Variants in TRPS1 observed in about 807,000 individuals in gnomAD.
The protein encoded by TRPS1 is zinc finger transcription factor Trps1.
Under a neutral mutation model 101.2 loss-of-function variants are expected in TRPS1, and 6 were observed. The observed-to-expected ratio is 0.06, with a 90% confidence interval of 0.03 to 0.12. The LOEUF (loss-of-function observed/expected upper bound fraction) is 0.12, where lower values mean the gene tolerates loss of function less well. Among genes scored for constraint, TRPS1 ranks in the 10% least tolerant of loss-of-function variants. TRPS1 has a pLI of 1.00. For missense variants in TRPS1, 1,363 were observed against 1,567.0 expected, an observed-to-expected ratio of 0.87 and a Z score of 2.20; for synonymous variants, 578 against 589.8, an observed-to-expected ratio of 0.98 and a Z score of 0.29.
At chr8:115,656,289 A>G (rs988646603) in intron 1 of TRPS1, among the ~76,000 whole-genome samples, 4 of 152,160 alleles carry the variant, frequency 2.6e-5, no homozygotes, top group Admixed American at 2.6e-4. Flanking sequence ...AAAGCAGTCG[A>G]AAAACAAAAA....
chr8:115,652,302 G>A (rs1424547514), intron 1 of TRPS1, among the ~76,000 whole-genome samples: 3 of 152,116 alleles, frequency 2.0e-5, no homozygotes, highest in Non-Finnish European at 2.9e-5. Flanking sequence ...GGCAGATATC[G>A]CTTAGTTGAG....
intron 5 of TRPS1, among the ~76,000 whole-genome samples, chr8:115,540,816 G>A (rs898979138): frequency 1.3e-4 from 20 of 151,338 alleles, no homozygotes; most frequent in Non-Finnish European, 1.9e-4. Flanking sequence ...AACAACTTAC[G>A]CACCCCATAA....
chr8:115,666,211 G>A (rs931168352), intron 1 of TRPS1, among the ~76,000 whole-genome samples: 1 of 151,912 alleles, frequency 6.6e-6, no homozygotes, highest in Non-Finnish European at 1.5e-5. Context: ...GAAATCCAAG[G>A]AGAGAGAAAC....
At chr8:115,443,524 C>A (rs1813660051) in intron 5 of TRPS1, among the ~76,000 whole-genome samples, 2 of 152,110 alleles carry the variant, frequency 1.3e-5, no homozygotes, top group African/African-American at 4.8e-5. Flanking sequence ...TATTAATTAT[C>A]CTAAGCCTTT....
Position 115,623,668 on chromosome 8 carries a change from A to G in TRPS1, c.-31T>C. The G allele has an allele frequency of 6.2e-7, 1 of 1,609,326 alleles. No individual in the cohort carries two copies. Among genetic ancestry groups the G allele is most frequent in the Non-Finnish European group, 8.5e-7 (1 of 1,177,536 alleles). On this transcript the variant is annotated 5_prime_UTR_variant, in exon 2 of 7. Coordinates refer to ENST00000395715, the MANE Select transcript of TRPS1 (RefSeq NM_014112.5). ...TTTAGAGTGCTTTTTACAATTATTA[A>G]TTCTATTAGTCAACTAGCAGGAGGC... is the stretch of plus-strand genomic sequence containing the variant.
chr8:115,567,954 C>G (rs542457055), intron 5 of TRPS1, among the ~76,000 whole-genome samples: 2 of 152,234 alleles, frequency 1.3e-5, no homozygotes, highest in Admixed American at 1.3e-4. Flanking sequence ...ACCTCTCATA[C>G]TGAGAGTTTT....
chr8:115,568,605 T>C (rs1817125768), intron 5 of TRPS1, among the ~76,000 whole-genome samples: 1 of 152,134 alleles, frequency 6.6e-6, no homozygotes, highest in African/African-American at 2.4e-5. Context: ...AACGTGCCAC[T>C]GCTCTAAAAA....
intron 3 of TRPS1, among the ~76,000 whole-genome samples, chr8:115,611,116 CAAA>C (rs752834152): frequency 4.6e-5 from 3 of 64,934 alleles, no homozygotes; most frequent in Admixed American, 3.3e-4. Flanking sequence ...GACTCCATAT[CAAA>C]AAAAAAAAAA....
chr8:115,556,305 G>A (rs185682243), intron 5 of TRPS1, among the ~76,000 whole-genome samples: 33 of 152,204 alleles, frequency 2.2e-4, no homozygotes, highest in Non-Finnish European at 4.6e-4. Flanking sequence ...CTGAATGGCT[G>A]CTTTGAAATA....
intron 5 of TRPS1, among the ~76,000 whole-genome samples, chr8:115,473,485 G>A (rs990649923): frequency 6.6e-5 from 10 of 152,166 alleles, no homozygotes; most frequent in Non-Finnish European, 1.0e-4. Context: ...AGATTTGAGT[G>A]AGGACACAGC....
chr8:115,564,065 C>T (rs957837344), intron 5 of TRPS1, among the ~76,000 whole-genome samples: 1 of 152,104 alleles, frequency 6.6e-6, no homozygotes, highest in African/African-American at 2.4e-5. Context: ...AAATCTCACT[C>T]CAATTACCTC....
intron 2 of TRPS1, among the ~76,000 whole-genome samples, chr8:115,621,036 T>C (rs1242292237): frequency 6.6e-6 from 1 of 152,236 alleles, no homozygotes; most frequent in Non-Finnish European, 1.5e-5. Flanking sequence ...GTCTCTCAAG[T>C]TAAGTTAGTG....
intron 5 of TRPS1, among the ~76,000 whole-genome samples, chr8:115,449,510 C>G (rs1241466801): frequency 1.3e-5 from 2 of 152,206 alleles, no homozygotes; most frequent in Non-Finnish European, 2.9e-5. Context: ...ACAAATCTCT[C>G]ATTGCAAACA....
In TRPS1 at chr8:115,573,700, G is replaced by A. The variant is rs191351862; in HGVS notation, c.2700+13301C>T. On this transcript the variant is annotated intron_variant, in intron 5 of 6. Coordinates refer to ENST00000395715, the MANE Select transcript of TRPS1 (RefSeq NM_014112.5). ...CTGGAATGGTTCCCTATTTCCTTCT[G>A]AGATAAAGTTTTTCAAATAAACATT... is the stretch of plus-strand genomic sequence containing the variant. Among the ~76,000 whole-genome samples the A allele has an allele frequency of 6.9e-4, 105 of 152,210 alleles. 1 individual carries two copies. The highest frequency in any genetic ancestry group is 3.4e-3 in the Middle Eastern group (1 of 294).
In TRPS1 at chr8:115,409,261, G is replaced by GAAAAAAAAAAAAAAAAAAAAAAAAA. The variant is rs755990611; in HGVS notation, c.*4761_*4762insTTTTTTTTTTTTTTTTTTTTTTTTT. The GAAAAAAAAAAAAAAAAAAAAAAAAA allele has an allele frequency of 9.8e-6, 1 of 102,262 alleles. No homozygotes were observed. The highest frequency in any genetic ancestry group is 4.0e-5 in the African/African-American group (1 of 24,726). The allele number at this position is 102,262 out of a possible 1,614,324, so 6.3% of individuals were successfully genotyped here. On this transcript the variant is annotated 3_prime_UTR_variant, in exon 7 of 7. Transcript: ENST00000395715. ...TGATATGCTGCAGTTTATATGTTGG[G>GAAAAAAAAAAAAAAAAAAAAAAAAA]AAAAAAAAAAAAAAAAAAAACAGGG...
intron 5 of TRPS1, among the ~76,000 whole-genome samples, chr8:115,486,506 G>C (rs1429212241): frequency 6.6e-6 from 1 of 152,238 alleles, no homozygotes; most frequent in Non-Finnish European, 1.5e-5. Flanking sequence ...CAAAAACTGA[G>C]ACAGGCCGAA....
intron 3 of TRPS1, among the ~76,000 whole-genome samples, chr8:115,605,599 T>A (rs1339075830): frequency 6.6e-6 from 1 of 151,954 alleles, no homozygotes; most frequent in African/African-American, 2.4e-5. Context: ...ATGAATTGAG[T>A]ATGCAGGAAA....
At chr8:115,429,473 C>G (rs1586265194) in intron 5 of TRPS1, among the ~76,000 whole-genome samples, 1 of 152,178 alleles carries the variant, frequency 6.6e-6, no homozygotes, top group East Asian at 1.9e-4. Flanking sequence ...GCACCCGGCT[C>G]TCTCTGTGAT....
chr8:115,450,406 T>C (rs1813839323), intron 5 of TRPS1, among the ~76,000 whole-genome samples: 1 of 152,198 alleles, frequency 6.6e-6, no homozygotes, highest in Admixed American at 6.5e-5. Flanking sequence ...CTTCACGCTA[T>C]TTAACTTTCA....
Sources: gnomAD v4.1 joint callset for allele counts (sites outside exome capture counted in the v4.1 genomes callset) on GRCh38, gnomAD v4.1.1 for gene constraint, MANE v1.5 for transcripts, NCBI Gene and HGNC (gene_info 2026-07-23, HGNC 2026-07-21) for gene names.